COL23A1: variants seen among roughly 807,000 people sequenced by gnomAD.
The protein encoded by COL23A1 is collagen type XXIII alpha 1 chain, also known as collagen alpha-1(XXIII) chain.
COL23A1 carries 97 observed loss-of-function variants against 99.3 expected under a neutral mutation model. The ratio of observed to expected loss-of-function variants is 0.98; its 90% CI spans 0.83 to 1.16. The LOEUF is 1.16. Ranked by LOEUF, COL23A1 falls within the 50% of genes most tolerant of loss-of-function variation. The probability of loss-of-function intolerance (pLI) is 0.00; values close to 1 mark genes in which losing one functional copy is unlikely to be tolerated. For synonymous variants in COL23A1, 320 were observed against 308.2 expected (o/e 1.04, Z -0.40); for missense variants, 762 against 757.4 (o/e 1.01, Z -0.07).
chr5:178,417,717 C>T (rs1765390278), intron 2 of COL23A1, among the ~76,000 whole-genome samples: 1 of 152,236 alleles, frequency 6.6e-6, no homozygotes. Context: ...CCTCACCTTG[C>T]TGCCCGCTTC....
At chr5:178,357,956 A>T (rs1179462485) in intron 2 of COL23A1, among the ~76,000 whole-genome samples, 1 of 142,318 alleles carries the variant, frequency 7.0e-6, no homozygotes, top group African/African-American at 2.6e-5. Context: ...GTGTATGTAT[A>T]TGTGTGTATG....
chr5:178,565,607 A>G (rs1360899626), intron 1 of COL23A1, among the ~76,000 whole-genome samples: 1 of 152,132 alleles, frequency 6.6e-6, no homozygotes, highest in Non-Finnish European at 1.5e-5. Context: ...ATTACATATT[A>G]TGGGCCAGAC....
intron 2 of COL23A1, among the ~76,000 whole-genome samples, chr5:178,440,561 G>C (rs1304916212): frequency 1.3e-5 from 2 of 151,944 alleles, no homozygotes; most frequent in Non-Finnish European, 2.9e-5. Flanking sequence ...ATAGAAAAGA[G>C]AATGCGGTGT....
chr5:178,405,265 C>T (rs1169320061), intron 2 of COL23A1, among the ~76,000 whole-genome samples: 1 of 152,244 alleles, frequency 6.6e-6, no homozygotes. Flanking sequence ...TTTTGTGAGT[C>T]AGTAAGTTCT....
intron 1 of COL23A1, among the ~76,000 whole-genome samples, chr5:178,565,840 C>T (rs968021548): frequency 2.0e-5 from 3 of 151,474 alleles, no homozygotes; most frequent in Non-Finnish European, 4.4e-5. Context: ...GGGCCGGGCG[C>T]GGTGGCTCAC....
intron 1 of COL23A1, among the ~76,000 whole-genome samples, chr5:178,582,751 G>T (rs892268836): frequency 6.6e-6 from 1 of 152,166 alleles, no homozygotes; most frequent in Non-Finnish European, 1.5e-5. Flanking sequence ...CACCATTCCA[G>T]GTCCCGAGGA....
Position 178,564,966 on chromosome 5 carries a change from T to C in COL23A1, c.295-4218A>G, listed in dbSNP as rs1344906031. Among the ~76,000 whole-genome samples, 2 of 152,218 alleles carry C rather than the reference T, an allele frequency of 1.3e-5. 1 individual carries two copies. The highest frequency in any genetic ancestry group is 2.9e-5 in the Non-Finnish European group (2 of 68,034). Reference sequence around the variant, plus strand: ...GGAATAAATCAGCAGAAGCAAAACATGATATTTATGCAGAAGTTGCACCGT... The same window carrying C: ...GGAATAAATCAGCAGAAGCAAAACACGATATTTATGCAGAAGTTGCACCGT... On this transcript the variant is annotated intron_variant, in intron 1 of 28. Transcript: ENST00000390654.
chr5:178,271,640 G>A lies in COL23A1; in HGVS notation c.442-1277C>T, dbSNP rs10039216. On this transcript the variant is annotated intron_variant, in intron 5 of 28. Coordinates refer to ENST00000390654, the MANE Select transcript of COL23A1 (RefSeq NM_173465.4). ...CAGCATGTGCCCAGAAAATGTGTGCGAAGTCAAACCAAGGAAGTATGGCAA... is the reference window on the plus strand; with the variant it reads ...CAGCATGTGCCCAGAAAATGTGTGCAAAGTCAAACCAAGGAAGTATGGCAA... Among the ~76,000 whole-genome samples, 248 of 152,326 alleles carry A rather than the reference G, an allele frequency of 1.6e-3. 1 individual carries two copies. The highest frequency in any genetic ancestry group is 5.4e-3 in the African/African-American group (224 of 41,566).
chr5:178,243,111 A>C (rs1446410069), intron 25 of COL23A1, among the ~76,000 whole-genome samples: 1 of 151,932 alleles, frequency 6.6e-6, no homozygotes, highest in Non-Finnish European at 1.5e-5. Flanking sequence ...AATTGCCTGA[A>C]CCTGAGAGGT....
rs578081466 is a variant in COL23A1, at chr5:178,369,966, C to T, written c.362-63047G>A. On this transcript the variant is annotated intron_variant, in intron 2 of 28. Coordinates refer to ENST00000390654, the MANE Select transcript of COL23A1 (RefSeq NM_173465.4). The stretch of plus-strand genomic sequence containing the variant: ...GTTCCAGGCCCTTCTAGATGTGGCC[C>T]GAAGTACTGAGTCACGTTAATGTGG... Among the ~76,000 whole-genome samples, 14 of 152,206 alleles carry T rather than the reference C, an allele frequency of 9.2e-5. No homozygotes were observed. The South Asian group carries it at 1.0e-3, about 11-fold the overall frequency.
At chr5:178,348,931 C>G (rs1295209617) in intron 2 of COL23A1, among the ~76,000 whole-genome samples, 1 of 152,208 alleles carries the variant, frequency 6.6e-6, no homozygotes, top group Non-Finnish European at 1.5e-5. Context: ...CCACCCGCGT[C>G]AGCAGCACAG....
chr5:178,586,680 CTT>C (rs929915044), intron 1 of COL23A1, among the ~76,000 whole-genome samples: 1 of 150,648 alleles, frequency 6.6e-6, no homozygotes, highest in Admixed American at 6.6e-5. Context: ...TGAAAGGAAA[CTT>C]TTTTTTGTTG....
chr5:178,361,960 A>G (rs1762197008), intron 2 of COL23A1, among the ~76,000 whole-genome samples: 1 of 152,170 alleles, frequency 6.6e-6, no homozygotes, highest in Non-Finnish European at 1.5e-5. Context: ...GACATCACAC[A>G]GGGAGTCACT....
intron 2 of COL23A1, among the ~76,000 whole-genome samples, chr5:178,413,201 T>G (rs1765137404): frequency 1.4e-5 from 2 of 148,116 alleles, no homozygotes; most frequent in Non-Finnish European, 3.0e-5. Flanking sequence ...AAACAAATTC[T>G]GTAGGCACAG....
intron 2 of COL23A1, among the ~76,000 whole-genome samples, chr5:178,419,590 T>C (rs144965580): frequency 1.2e-4 from 19 of 152,314 alleles, no homozygotes; most frequent in African/African-American, 4.3e-4. Context: ...TGCCTCCCCA[T>C]GTGCTGGCCC....
chr5:178,463,959 G>A (rs938981220), intron 2 of COL23A1, among the ~76,000 whole-genome samples: 1 of 152,154 alleles, frequency 6.6e-6, no homozygotes, highest in African/African-American at 2.4e-5. Flanking sequence ...CCTCCCGGCC[G>A]GGCGTGAGCA....
chr5:178,579,130 C>T (rs1468619264), intron 1 of COL23A1, among the ~76,000 whole-genome samples: 1 of 152,116 alleles, frequency 6.6e-6, no homozygotes, highest in Non-Finnish European at 1.5e-5. Flanking sequence ...AATAGGATGG[C>T]AGAATCCCGG....
intron 2 of COL23A1, among the ~76,000 whole-genome samples, chr5:178,531,556 T>TA (rs1760652304): frequency 6.6e-6 from 1 of 152,194 alleles, no homozygotes; most frequent in Middle Eastern, 3.2e-3. Flanking sequence ...CCTCTGGAAT[T>TA]ATCATCCTGC....
rs938827267 is a variant in COL23A1, at chr5:178,356,720, G to A, written c.362-49801C>T. Among the ~76,000 whole-genome samples, 7 of 152,200 alleles carry A rather than the reference G, an allele frequency of 4.6e-5. No individual in the cohort carries two copies. In the South Asian group the frequency reaches 8.3e-4, roughly 18 times the overall value. The stretch of plus-strand genomic sequence containing the variant: ...AGAGCCGGCTTGGCTGCCTGAGGAG[G>A]AGGCACGCGCCAAACCCAGCAGAGT... On this transcript the variant is annotated intron_variant, in intron 2 of 28. Coordinates refer to ENST00000390654, the MANE Select transcript of COL23A1 (RefSeq NM_173465.4).
Sources: gnomAD v4.1 joint callset for allele counts (sites outside exome capture counted in the v4.1 genomes callset) on GRCh38, gnomAD v4.1.1 for gene constraint, MANE v1.5 for transcripts, NCBI Gene and HGNC (gene_info 2026-07-23, HGNC 2026-07-21) for gene names.